The following MAP2K5 variants were observed in gnomAD, a reference collection of about 807,000 sequenced individuals.
MAP2K5 encodes dual specificity mitogen-activated protein kinase kinase 5.
Under a neutral mutation model 83.1 loss-of-function variants are expected in MAP2K5, and 49 were observed. That is an observed-to-expected ratio of 0.59 (90% CI 0.47 to 0.75). The LOEUF (loss-of-function observed/expected upper bound fraction) is 0.75. Among genes scored for constraint, MAP2K5 ranks in the 30% least tolerant of loss-of-function variants. The pLI is 0.00. For missense variants in MAP2K5, 457 were observed against 557.5 expected (o/e 0.82, Z 1.82); for synonymous variants, 202 against 191.8 (o/e 1.05, Z -0.44).
At chr15:67,745,932 T>C (rs1363895429) in intron 17 of MAP2K5, among the ~76,000 whole-genome samples, 1 of 152,208 alleles carries the variant, frequency 6.6e-6, no homozygotes, top group African/African-American at 2.4e-5. Flanking sequence ...ATGAAGATGA[T>C]TTCATATAAT....
At chr15:67,776,197 AC>A (rs898544052) in intron 21 of MAP2K5, among the ~76,000 whole-genome samples, 4 of 145,426 alleles carry the variant, frequency 2.8e-5, no homozygotes, top group African/African-American at 7.5e-5. Context: ...GACAGGTAGA[AC>A]CCCACCCCCA....
rs770008548 is a variant in MAP2K5 at position 67,748,250 on chromosome 15, C to A, written c.1094C>A (p.Ser365Tyr). 1.2e-6 allele frequency: 2 copies of A among 1,607,964 alleles called. 1 individual carries two copies. Among genetic ancestry groups the A allele is most frequent in the South Asian group, 2.2e-5 (2 of 90,458 alleles). ...PYPQIQKNQG[S>Y]LMPLQLLQCI... is the part of the protein sequence containing the mutation. Reference sequence around the variant, plus strand: ...TTTCAGATTCAGAAAAACCAGGGATCTTTAATGGTAAGCTTTATGAGTTCA... The same window carrying A: ...TTTCAGATTCAGAAAAACCAGGGATATTTAATGGTAAGCTTTATGAGTTCA... Residue 365 changes from serine (S) to tyrosine (Y), a missense_variant, in exon 18 of 22, where the codon TCT becomes TAT. Physicochemically the swap from Ser to Tyr is moderately radical, Grantham distance 144 (BLOSUM62 -2). Coordinates refer to ENST00000178640, the MANE Select transcript of MAP2K5 (RefSeq NM_145160.3). This position sits in a 1 kb window ranked among gnomAD's most constrained non-coding sequence, Gnocchi z 4.0.
At chr15:67,797,068 G>A (rs984534809) in intron 21 of MAP2K5, among the ~76,000 whole-genome samples, 1 of 152,224 alleles carries the variant, frequency 6.6e-6, no homozygotes, top group Admixed American at 6.5e-5. Context: ...TTACCACAAT[G>A]AAGAAAGGGA....
In MAP2K5 at chr15:67,692,478, G is replaced by T; in HGVS notation, c.848-1G>T. 1 of 1,612,968 alleles carries T rather than the reference G, an allele frequency of 6.2e-7. No homozygotes were observed. The highest frequency in any genetic ancestry group is 8.5e-7 in the Non-Finnish European group (1 of 1,179,156). ...CATGGCCTTTTCTGGTCCCTTTTTA[G>T]ACGTGAAGCCCTCCAATATGCTAGT... On this transcript the variant is annotated splice_acceptor_variant, in intron 13 of 21. Coordinates refer to ENST00000178640, the MANE Select transcript of MAP2K5 (RefSeq NM_145160.3). LOFTEE classifies it high-confidence loss of function.
rs2087149972 is a variant in MAP2K5, at chr15:67,658,615, G to A, written c.798+1G>A. On this transcript the variant is annotated splice_donor_variant, in intron 12 of 21. Coordinates refer to ENST00000178640, the MANE Select transcript of MAP2K5 (RefSeq NM_145160.3). LOFTEE classifies it high-confidence loss of function. ...TGTCCTTGGAAGAATTGCAGTAGCA[G>A]TAAGTATATGGCTTCAGTGTTAGGA... 6.2e-7 allele frequency: 1 copy of A among 1,609,054 alleles called. No individual in the cohort carries two copies. Among genetic ancestry groups the A allele is most frequent in the African/African-American group, 1.3e-5 (1 of 74,882 alleles).
chr15:67,584,639 G>A (rs971573434), intron 4 of MAP2K5, among the ~76,000 whole-genome samples: 4 of 147,776 alleles, frequency 2.7e-5, no homozygotes, highest in Non-Finnish European at 6.0e-5. Flanking sequence ...GAAAGCAACT[G>A]CAGTGTTTTG....
At chr15:67,806,474 G>A (rs1056273344) in intron 21 of MAP2K5, among the ~76,000 whole-genome samples, 172 bp from the exon 22 acceptor site, 3 of 152,208 alleles carry the variant, frequency 2.0e-5, no homozygotes, top group South Asian at 2.1e-4. Flanking sequence ...GTCACTGCTC[G>A]TCCCTGGGCC....
At chr15:67,600,900 A>C in intron 8 of MAP2K5, 151 bp downstream of exon 8, 5 of 595,264 alleles carry the variant, frequency 8.4e-6, no homozygotes, top group Non-Finnish European at 1.5e-5. Context: ...CTATTTTCTC[A>C]AGAATTGCCT....
chr15:67,610,080 G>A (rs1458387202), intron 8 of MAP2K5, among the ~76,000 whole-genome samples: 3 of 152,078 alleles, frequency 2.0e-5, no homozygotes, highest in Non-Finnish European at 2.9e-5. Flanking sequence ...ATAAAACTTA[G>A]GTCTTCTGAC....
intron 17 of MAP2K5, among the ~76,000 whole-genome samples, chr15:67,732,238 T>C (rs1417083943): frequency 6.6e-6 from 1 of 152,146 alleles, no homozygotes; most frequent in Non-Finnish European, 1.5e-5. Context: ...AAAAACATAA[T>C]GGTGGGCAAT....
At chr15:67,803,584 C>T (rs1433032412) in intron 21 of MAP2K5, among the ~76,000 whole-genome samples, 11 of 152,144 alleles carry the variant, frequency 7.2e-5, no homozygotes, top group Admixed American at 7.2e-4. Flanking sequence ...CAGCTCCTAA[C>T]CCCTGTCTTC....
chr15:67,662,446 G>A (rs1031658193), intron 12 of MAP2K5, among the ~76,000 whole-genome samples: 4 of 152,108 alleles, frequency 2.6e-5, no homozygotes, highest in Admixed American at 6.6e-5. Context: ...ATTCTCTATA[G>A]TGATGAATAC....
chr15:67,741,985 C>T (rs1165630696), intron 17 of MAP2K5, among the ~76,000 whole-genome samples: 1 of 151,782 alleles, frequency 6.6e-6, no homozygotes, highest in Non-Finnish European at 1.5e-5. Context: ...AACTCTGCCT[C>T]CCAGGTTCAT....
intron 10 of MAP2K5, 26 bp from the exon 11 acceptor site, chr15:67,646,362 C>A: frequency 6.8e-7 from 1 of 1,472,286 alleles, no homozygotes; most frequent in Non-Finnish European, 9.5e-7. Flanking sequence ...AGGTTTATAA[C>A]TACTTTTGTC....
rs767147545 is a variant in MAP2K5, at chr15:67,592,913, C to T, written c.432-13C>T. Reference sequence around the variant, plus strand: ...TGATGATCTTGCCACTAAAAATTATCTTTCCTTTTCAGCTTAAAGAAGTCT... The same window carrying T: ...TGATGATCTTGCCACTAAAAATTATTTTTCCTTTTCAGCTTAAAGAAGTCT... On this transcript the variant is annotated splice_polypyrimidine_tract_variant and intron_variant, in intron 6 of 21. Transcript: ENST00000178640. 6.2e-7 allele frequency: 1 copy of T among 1,600,602 alleles called. No homozygotes were observed. The highest frequency in any genetic ancestry group is 1.1e-5 in the South Asian group (1 of 89,368).
intron 17 of MAP2K5, among the ~76,000 whole-genome samples, chr15:67,730,514 A>C (rs904234238): frequency 2.0e-5 from 3 of 152,178 alleles, no homozygotes; most frequent in Admixed American, 1.3e-4. Context: ...ACTTCTCTAC[A>C]ATGTCTCTGA....
Position 67,630,868 on chromosome 15 carries a change from G to GTTTT in MAP2K5, c.546-14_546-11dup, listed in dbSNP as rs569654041. ...TTGTTTAGTGATCCCAAATGATTTT[G>GTTTT]TTTTTTTTTCTTCCCATAGAGCATA... On this transcript the variant is annotated intron_variant, in intron 8 of 21. Coordinates refer to ENST00000178640, the MANE Select transcript of MAP2K5 (RefSeq NM_145160.3). 6.4e-7 allele frequency: 1 copy of GTTTT among 1,561,420 alleles called. No homozygotes were observed. The highest frequency in any genetic ancestry group is 8.8e-7 in the Non-Finnish European group (1 of 1,140,454).
At chr15:67,649,026 A>G (rs2086896798) in intron 11 of MAP2K5, among the ~76,000 whole-genome samples, 1 of 151,764 alleles carries the variant, frequency 6.6e-6, no homozygotes, top group Admixed American at 6.6e-5. Context: ...ATAAGGTTCC[A>G]TTTTCTTCAT....
At position 67,770,195 on chromosome 15, in the gene MAP2K5, C is replaced by G. The variant is rs1027129910; in HGVS notation, c.1196+532C>G. Among the ~76,000 whole-genome samples, 1 of 152,142 alleles carries G rather than the reference C, an allele frequency of 6.6e-6. No individual in the cohort carries two copies. Among genetic ancestry groups the G allele is most frequent in the African/African-American group, 2.4e-5 (1 of 41,416 alleles). On this transcript the variant is annotated intron_variant, in intron 20 of 21. Coordinates refer to ENST00000178640, the MANE Select transcript of MAP2K5 (RefSeq NM_145160.3). This position sits in a 1 kb window ranked among gnomAD's most constrained non-coding sequence, Gnocchi z 5.0. ...TGAAAACAGTTCAGCCCACTTTAAC[C>G]CTTAAAGAACTGAGAGGAGCCACAG...
Sources: allele counts gnomAD v4.1 joint callset (sites outside exome capture counted in the v4.1 genomes callset), GRCh38; gene constraint gnomAD v4.1.1; non-coding constraint Gnocchi (gnomAD v3.1); transcripts MANE v1.5; gene names NCBI Gene and HGNC (gene_info 2026-07-23, HGNC 2026-07-21).